Variants in SENP6 observed in about 807,000 individuals in gnomAD.
SENP6 encodes SUMO specific peptidase 6, also known as sentrin-specific protease 6.
Under a neutral mutation model 134.5 loss-of-function variants are expected in SENP6, and 41 were observed. The observed-to-expected ratio is 0.30, with a 90% confidence interval of 0.24 to 0.40. The LOEUF is 0.40. Ranked by LOEUF, SENP6 falls within the 10% of genes least tolerant of loss-of-function variation. The pLI, the probability that SENP6 is intolerant of heterozygous loss-of-function variation, is 1.00. For missense variants in SENP6, 1,248 were observed against 1,312.5 expected (o/e 0.95, Z 0.76); for synonymous variants, 395 against 429.8 (o/e 0.92, Z 1.00).
intron 11 of SENP6, among the ~76,000 whole-genome samples, chr6:75,672,761 T>C (rs969112838): frequency 9.2e-5 from 14 of 152,322 alleles, no homozygotes; most frequent in African/African-American, 3.4e-4. Context: ...TACACTTGCT[T>C]ATTATTAGAT....
chr6:75,695,725 A>G, intron 16 of SENP6, 79 bp from the exon 17 acceptor site: 6 of 1,198,098 alleles, frequency 5.0e-6, no homozygotes, highest in Non-Finnish European at 6.9e-6. Flanking sequence ...CAACAGAGTG[A>G]GACTCTGTCT....
chr6:75,663,201 G>C lies in SENP6; in HGVS notation c.697-20G>C, dbSNP rs200405708. Reference sequence around the variant, plus strand: ...GAAAATCAGACCAAATGCCAAAGTTGTGGTGTTCTTTTTTCTAAGGATTTG... The same window carrying C: ...GAAAATCAGACCAAATGCCAAAGTTCTGGTGTTCTTTTTTCTAAGGATTTG... On this transcript the variant is annotated intron_variant, in intron 8 of 23. Coordinates refer to ENST00000447266, the MANE Select transcript of SENP6 (RefSeq NM_015571.4). The C allele has an allele frequency of 1.2e-6, 2 of 1,603,600 alleles. No homozygotes were observed. Among genetic ancestry groups the C allele is most frequent in the African/African-American group, 2.7e-5 (2 of 74,356 alleles).
intron 16 of SENP6, among the ~76,000 whole-genome samples, chr6:75,682,412 T>C (rs182433757): frequency 4.3e-4 from 65 of 152,180 alleles, no homozygotes; most frequent in Non-Finnish European, 2.9e-4. Flanking sequence ...ATTCTTTTTT[T>C]TTTTTAATTA....
chr6:75,641,893 A>T (rs1488110907), intron 6 of SENP6, among the ~76,000 whole-genome samples: 2 of 151,906 alleles, frequency 1.3e-5, no homozygotes, highest in Non-Finnish European at 2.9e-5. Context: ...TTAATTTCCA[A>T]CCAAACTGTT....
At chr6:75,618,938 C>T (rs1768054029) in intron 1 of SENP6, among the ~76,000 whole-genome samples, 2 of 139,564 alleles carry the variant, frequency 1.4e-5, no homozygotes, top group Non-Finnish European at 1.6e-5. Context: ...ATTTCTGAAA[C>T]TTTTTTTTTT....
At position 75,602,373 on chromosome 6, in the gene SENP6, G is replaced by A; in HGVS notation, c.-152G>A. 4.6e-6 allele frequency: 4 copies of A among 877,422 alleles called. No homozygotes were observed. The highest frequency in any genetic ancestry group is 7.0e-6 in the Non-Finnish European group (4 of 573,500). 54.4% of individuals were successfully genotyped at this position (877,422 alleles called of 1,614,324 possible). The stretch of plus-strand genomic sequence containing the variant: ...GCCTGGCCTGCCTTTGTATAGGCCC[G>A]TCTGAACGTGGGAGCGCAGCCCGCC... On this transcript the variant is annotated 5_prime_UTR_variant, in exon 1 of 24. Coordinates refer to ENST00000447266, the MANE Select transcript of SENP6 (RefSeq NM_015571.4).
intron 16 of SENP6, among the ~76,000 whole-genome samples, chr6:75,681,341 T>A (rs137919907): frequency 1.3e-5 from 2 of 152,310 alleles, no homozygotes; most frequent in Middle Eastern, 3.4e-3. Context: ...TCCTTCCTCT[T>A]CACCTTCCCT....
At chr6:75,679,928 A>G (rs1773348315) in intron 16 of SENP6, 1 of 152,232 alleles carries the variant, frequency 6.6e-6, no homozygotes, top group South Asian at 2.1e-4. Flanking sequence ...GTTTGGTGGG[A>G]AAACACATTG....
rs766386722 is a variant in SENP6, at chr6:75,670,590, G to A, written c.1262G>A (p.Arg421His). Residue 421 changes from arginine (R) to histidine (H), a missense_variant, in exon 11 of 24, where the codon CGT becomes CAT. Coordinates refer to ENST00000447266, the MANE Select transcript of SENP6 (RefSeq NM_015571.4). ...ATTATCAACACACCTCTGAAACGTC[G>A]TAAAGTGTTTTCTCAAGAACCTCCA... ...NSIINTPLKR[R>H]KVFSQEPPDA... 18 of 1,612,380 alleles carry A rather than the reference G, an allele frequency of 1.1e-5. No homozygotes were observed. The highest frequency in any genetic ancestry group is 3.3e-5 in the Admixed American group (2 of 59,894).
intron 3 of SENP6, among the ~76,000 whole-genome samples, chr6:75,631,828 A>G (rs982822480): frequency 6.6e-6 from 1 of 152,196 alleles, no homozygotes; most frequent in Non-Finnish European, 1.5e-5. Flanking sequence ...GTATAAATGT[A>G]TTTCATAGAT....
intron 11 of SENP6, among the ~76,000 whole-genome samples, chr6:75,672,975 C>T (rs956473580): frequency 3.3e-5 from 5 of 151,990 alleles, no homozygotes; most frequent in African/African-American, 4.8e-5. Context: ...CTACAGGCAC[C>T]GGCCACCACG....
chr6:75,702,600 A>C (rs967211467), intron 18 of SENP6, 45 bp from the exon 19 acceptor site: 102 of 1,474,240 alleles, frequency 6.9e-5, no homozygotes, highest in Non-Finnish European at 9.2e-5. Context: ...AAATATAATA[A>C]ACTTTTCTAA....
intron 2 of SENP6, chr6:75,622,815 G>T (rs1032512529): frequency 3.9e-6 from 5 of 1,288,904 alleles, no homozygotes; most frequent in Non-Finnish European, 4.0e-6. Context: ...CTTCACCGAT[G>T]AGATGTTGAT....
intron 16 of SENP6, among the ~76,000 whole-genome samples, chr6:75,695,598 G>A (rs138203820): frequency 5.3e-4 from 81 of 152,244 alleles, no homozygotes; most frequent in South Asian, 6.2e-4. Context: ...TTAGCTGGGC[G>A]TGGTGGTGTG....
chr6:75,627,109 G>A (rs1047064096), intron 3 of SENP6, among the ~76,000 whole-genome samples: 4 of 151,806 alleles, frequency 2.6e-5, no homozygotes, highest in African/African-American at 9.7e-5. Context: ...GATTACACAC[G>A]GACACCAACA....
At chr6:75,621,508 T>TA (rs778670246) in intron 1 of SENP6, 24 bp from the exon 2 acceptor site, 3 of 1,331,270 alleles carry the variant, frequency 2.3e-6, no homozygotes, top group South Asian at 2.4e-5. Context: ...AATGAATACT[T>TA]ACTGCAGTTT....
At position 75,702,868 on chromosome 6, in the gene SENP6, G is replaced by C; in HGVS notation, c.2512G>C (p.Asp838His). The part of the protein sequence containing the change: ...LNKKHCIAVI[D>H]SNPGQEESDP... ...CAAAAAACATTGCATAGCTGTAATT[G>C]ATTCCAATCCTGGGCAGGAAGAAAG... The change falls in exon 19 of 24, where the codon GAT (aspartate) becomes CAT (histidine). Residue 838 changes from aspartate to histidine, a missense_variant. Coordinates refer to ENST00000447266, the MANE Select transcript of SENP6 (RefSeq NM_015571.4). The C allele has an allele frequency of 6.2e-7, 1 of 1,614,116 alleles. No individual in the cohort carries two copies. The highest frequency in any genetic ancestry group is 8.5e-7 in the Non-Finnish European group (1 of 1,180,014).
intron 16 of SENP6, among the ~76,000 whole-genome samples, chr6:75,694,415 A>C (rs1406369378): frequency 6.6e-6 from 1 of 152,224 alleles, no homozygotes; most frequent in East Asian, 1.9e-4. Context: ...AAAATGAAAT[A>C]AACAATACAT....
In SENP6 at chr6:75,686,350, A is replaced by G. The variant is rs192959659; in HGVS notation, c.2075+7423A>G. On this transcript the variant is annotated intron_variant, in intron 16 of 23. Transcript: ENST00000447266. ...CTGATGGGTCTTGACTCTTTATCCA[A>G]TTTGCCAGTCTGTGTCTTTTAATTG... Among the ~76,000 whole-genome samples the G allele has an allele frequency of 2.6e-3, 394 of 152,170 alleles. 1 individual carries two copies. Among genetic ancestry groups the G allele is most frequent in the Middle Eastern group, 3.4e-3 (1 of 294 alleles).
Sources: allele counts gnomAD v4.1 joint callset (sites outside exome capture counted in the v4.1 genomes callset), GRCh38; gene constraint gnomAD v4.1.1; transcripts MANE v1.5; gene names NCBI Gene and HGNC (gene_info 2026-07-23, HGNC 2026-07-21).